Variants in PRUNE2 observed in about 807,000 individuals in gnomAD.
PRUNE2 encodes the protein prune homolog 2 with BCH domain.
A neutral mutation model predicts 252.0 loss-of-function variants in PRUNE2; 164 were observed. The observed-to-expected ratio is 0.65, with a 90% CI of 0.57 to 0.74. The LOEUF is 0.74. PRUNE2 is among the 30% of genes least tolerant of loss of function. The pLI, the probability that PRUNE2 is intolerant of heterozygous loss-of-function variation, is 0.00. For synonymous variants in PRUNE2, 1,292 were observed against 1,350.2 expected (o/e 0.96, Z 0.94); for missense variants, 3,495 against 3,711.0 (o/e 0.94, Z 1.51).
intron 9 of PRUNE2, among the ~76,000 whole-genome samples, chr9:76,657,423 G>A (rs1849664458): frequency 6.6e-6 from 1 of 152,226 alleles, no homozygotes; most frequent in South Asian, 2.1e-4. Context: ...AAATATGATG[G>A]TTTTAAAATA....
intron 1 of PRUNE2, chr9:76,869,226 C>T (rs1357007044): frequency 6.6e-6 from 1 of 152,254 alleles, no homozygotes; most frequent in Non-Finnish European, 1.5e-5. Flanking sequence ...CTGAAACCCA[C>T]TCAGACATGG....
At chr9:76,820,670 C>T (rs1340733558) in intron 6 of PRUNE2, among the ~76,000 whole-genome samples, 1 of 152,196 alleles carries the variant, frequency 6.6e-6, no homozygotes, top group Non-Finnish European at 1.5e-5. Context: ...CAACAGCTAA[C>T]GACTTTGCAA....
chr9:76,840,308 C>T (rs1037391305), intron 4 of PRUNE2, among the ~76,000 whole-genome samples: 1 of 152,072 alleles, frequency 6.6e-6, no homozygotes, highest in Non-Finnish European at 1.5e-5. Context: ...CTTTTGAGCA[C>T]AGTGGGCTCA....
At chr9:76,853,123 G>A (rs1378126415) in intron 2 of PRUNE2, among the ~76,000 whole-genome samples, 1 of 152,122 alleles carries the variant, frequency 6.6e-6, no homozygotes, top group Non-Finnish European at 1.5e-5. Flanking sequence ...CCCTTGTAAA[G>A]TTCAACAAAT....
At position 76,652,587 on chromosome 9, in the gene PRUNE2, G is replaced by T; in HGVS notation, c.8453C>A (p.Ser2818Tyr). Residue 2818 changes from serine (S) to tyrosine (Y), a missense_variant, in exon 11 of 19, where the codon TCT (serine) becomes TAT (tyrosine). Transcript: ENST00000376718. ...GTCCAAGTTATCATCAGAGAGAATAGATCCTTCACTTTGGTCCAGAGAAAG... is the reference window on the plus strand; with the variant it reads ...GTCCAAGTTATCATCAGAGAGAATATATCCTTCACTTTGGTCCAGAGAAAG... ...INLSLDQSEG[S>Y]ILSDDNLDSP... 1.2e-6 allele frequency: 2 copies of T among 1,612,258 alleles called. No homozygotes were observed. Among genetic ancestry groups the T allele is most frequent in the Non-Finnish European group, 1.7e-6 (2 of 1,178,414 alleles).
intron 9 of PRUNE2, among the ~76,000 whole-genome samples, chr9:76,673,143 T>A (rs2041850341): frequency 6.6e-6 from 1 of 151,518 alleles, no homozygotes; most frequent in Non-Finnish European, 1.5e-5. Flanking sequence ...TCAACAAAAT[T>A]GATAGACCGC....
chr9:76,629,485 T>C (rs1400645618), intron 15 of PRUNE2, among the ~76,000 whole-genome samples, 195 bp from the exon 16 acceptor site: 1 of 152,162 alleles, frequency 6.6e-6, no homozygotes, highest in Non-Finnish European at 1.5e-5. Context: ...TTTATTCTGT[T>C]TTTAAAATTT....
At chr9:76,758,520 T>TTTTTG (rs58459041) in intron 6 of PRUNE2, 1 of 143,936 alleles carries the variant, frequency 6.9e-6, no homozygotes, top group African/African-American at 2.6e-5. Flanking sequence ...TTTTTTTTTT[T>TTTTTG]AGACAGAGTC....
rs199770666 is a variant in PRUNE2 at position 76,708,329 on chromosome 9, T to G, written c.3945A>C (p.Pro1315=). The change falls in exon 8 of 19, where the codon CCA becomes CCC. Residue 1315 remains proline (P), a synonymous_variant. Transcript: ENST00000376718. ...ENPGYFPHPD[P]WKGHGDGQSE... ...TTTGTCCATCGCCATGACCTTTCCA[T>G]GGATCTGGGTGTGGAAAATACCCTG... 2 of 1,613,684 alleles carry G rather than the reference T, an allele frequency of 1.2e-6. No homozygotes were observed. The highest frequency in any genetic ancestry group is 1.7e-6 in the Non-Finnish European group (2 of 1,179,876).
intron 9 of PRUNE2, among the ~76,000 whole-genome samples, chr9:76,670,416 C>G (rs700821): frequency 0.88 from 132,485 of 151,070 alleles, 59,998 homozygotes; most frequent in Non-Finnish European, 0.99. Flanking sequence ...CACGGAGTCT[C>G]GCTGATTGCT....
chr9:76,636,361 T>C, intron 15 of PRUNE2, 110 bp downstream of exon 15: 2 of 678,608 alleles, frequency 2.9e-6, no homozygotes, highest in Non-Finnish European at 2.6e-6. Flanking sequence ...CAGAGACAAA[T>C]ATATTTCCCT....
intron 6 of PRUNE2, among the ~76,000 whole-genome samples, chr9:76,814,301 A>C (rs2131797867): frequency 6.6e-6 from 1 of 152,344 alleles, no homozygotes; most frequent in South Asian, 2.1e-4. Context: ...GTTAGGTCAC[A>C]AGAAGAATTG....
At chr9:76,810,908 T>C (rs1369640246) in intron 6 of PRUNE2, among the ~76,000 whole-genome samples, 1 of 152,208 alleles carries the variant, frequency 6.6e-6, no homozygotes, top group Non-Finnish European at 1.5e-5. Context: ...ACAGCCTGCT[T>C]TTCTATGACA....
intron 4 of PRUNE2, among the ~76,000 whole-genome samples, chr9:76,840,289 C>CT (rs997013029): frequency 1.3e-5 from 2 of 152,194 alleles, no homozygotes; most frequent in East Asian, 1.9e-4. Context: ...TGAAAGTGAC[C>CT]TTTTTTTACT....
chr9:76,708,842 A>AC lies in PRUNE2; in HGVS notation c.3431dup (p.Ala1145CysfsTer6). 1 of 1,613,300 alleles carries AC rather than the reference A, an allele frequency of 6.2e-7. No homozygotes were observed. The highest frequency in any genetic ancestry group is 1.3e-5 in the African/African-American group (1 of 74,776). On this transcript the variant is annotated frameshift_variant, in exon 8 of 19. Coordinates refer to ENST00000376718, the MANE Select transcript of PRUNE2 (RefSeq NM_015225.3). LOFTEE classifies it high-confidence loss of function. ...TTTGACCATCACTGGGGATTGCCGC[A>AC]CCCCCACTGCAGTCATCCCAGTCCA...
At chr9:76,830,377 G>A (rs2058599596) in intron 4 of PRUNE2, among the ~76,000 whole-genome samples, 1 of 152,144 alleles carries the variant, frequency 6.6e-6, no homozygotes, top group Non-Finnish European at 1.5e-5. Flanking sequence ...TGTGGGTTGG[G>A]CACGGTGGCT....
In PRUNE2 at chr9:76,709,471, C is replaced by T. The variant is rs1444239282; in HGVS notation, c.2803G>A (p.Val935Ile). Residue 935 changes from valine (V) to isoleucine (I), a missense_variant, in exon 8 of 19, where the codon GTT (valine) becomes ATT (isoleucine). Coordinates refer to ENST00000376718, the MANE Select transcript of PRUNE2 (RefSeq NM_015225.3). ...NMKKGGSDVL[V>I]PWEDSFLSYK... Reference sequence around the variant, plus strand: ...GATAAGAAGGAATCTTCCCAAGGAACTAGGACATCTGACCCTCCTTTCTTC... The same window carrying T: ...GATAAGAAGGAATCTTCCCAAGGAATTAGGACATCTGACCCTCCTTTCTTC... 1 of 1,614,020 alleles carries T rather than the reference C, an allele frequency of 6.2e-7. No individual in the cohort carries two copies. The highest frequency in any genetic ancestry group is 8.5e-7 in the Non-Finnish European group (1 of 1,179,880).
chr9:76,621,858 T>A (rs700803), intron 17 of PRUNE2, among the ~76,000 whole-genome samples: 140,728 of 151,878 alleles, frequency 0.93, 65,360 homozygotes, highest in Admixed American at 0.96. Context: ...ATTAAAAAAA[T>A]TTTTTTTTGT....
intron 1 of PRUNE2, among the ~76,000 whole-genome samples, chr9:76,894,759 CCTG>C (rs149254972): frequency 0.013 from 1,971 of 147,308 alleles, 23 homozygotes; most frequent in Non-Finnish European, 0.019. Context: ...GTGGCTCACA[CCTG>C]TAATCCCAGC....
Sources: allele counts gnomAD v4.1 joint callset (sites outside exome capture counted in the v4.1 genomes callset), GRCh38; gene constraint gnomAD v4.1.1; transcripts MANE v1.5; gene names NCBI Gene and HGNC (gene_info 2026-07-23, HGNC 2026-07-21).